Variants in DOCK1 observed in about 807,000 individuals in gnomAD.
DOCK1 encodes dedicator of cytokinesis protein 1.
A neutral mutation model predicts 262.7 loss-of-function variants in DOCK1; 138 were observed. The ratio of observed to expected loss-of-function variants is 0.53; its 90% CI spans 0.46 to 0.61. The LOEUF (loss-of-function observed/expected upper bound fraction) is 0.61. Among genes scored for constraint, DOCK1 ranks in the 20% least tolerant of loss-of-function variants. The pLI, the probability that DOCK1 is intolerant of heterozygous loss-of-function variation, is 0.00. For synonymous variants in DOCK1, 866 were observed against 867.4 expected (o/e 1.00, Z 0.03); for missense variants, 1,908 against 2,370.7 (o/e 0.80, Z 4.05).
intron 29 of DOCK1, among the ~76,000 whole-genome samples, chr10:127,322,119 A>AG (rs1491223690): frequency 3.3e-5 from 5 of 152,126 alleles, no homozygotes; most frequent in African/African-American, 1.2e-4. Context: ...AGAAAAAAAA[A>AG]GAGAATGAAT....
At chr10:127,311,871 T>A (rs1018595296) in intron 29 of DOCK1, among the ~76,000 whole-genome samples, 1 of 152,074 alleles carries the variant, frequency 6.6e-6, no homozygotes, top group Non-Finnish European at 1.5e-5. Context: ...TTTTTTTATT[T>A]TTATTTTTTT....
chr10:127,341,561 T>C (rs1401934025), intron 30 of DOCK1, among the ~76,000 whole-genome samples: 2 of 152,244 alleles, frequency 1.3e-5, no homozygotes, highest in African/African-American at 4.8e-5. Flanking sequence ...TATTTAAGTA[T>C]TTGTTTTGCC....
chr10:127,095,660 G>GTTGTGT lies in DOCK1; in HGVS notation c.2446-10571_2446-10570insTTGTGT, dbSNP rs1255796234. On this transcript the variant is annotated intron_variant, in intron 23 of 51. Transcript: ENST00000623213. ...GTGACACAACCACGTGGGCCAGGAA[G>GTTGTGT]CTGTGTGTGTGTGTGTGTGTGTGTG... 8.0e-3 allele frequency among the ~76,000 whole-genome samples: 794 copies of GTTGTGT among 99,276 alleles called. 4 individuals are homozygous for GTTGTGT. Among genetic ancestry groups the GTTGTGT allele is most frequent in the Non-Finnish European group, 0.014 (661 of 48,622 alleles). The allele number at this position is 99,276 out of a possible 152,430, so 65.1% of individuals were successfully genotyped here.
intron 27 of DOCK1, among the ~76,000 whole-genome samples, chr10:127,246,981 A>C (rs781116294): frequency 9.9e-5 from 15 of 152,184 alleles, no homozygotes; most frequent in Non-Finnish European, 1.9e-4. Context: ...TTAAAATGTC[A>C]TTAACTTAGG....
At chr10:126,986,504 T>C (rs564662929) in intron 4 of DOCK1, among the ~76,000 whole-genome samples, 10 of 152,346 alleles carry the variant, frequency 6.6e-5, no homozygotes, top group African/African-American at 2.4e-4. Context: ...TCTCTCCCCC[T>C]AACCCTCAGT....
intron 25 of DOCK1, among the ~76,000 whole-genome samples, chr10:127,124,023 T>C (rs1044560382): frequency 1.3e-5 from 2 of 152,188 alleles, no homozygotes; most frequent in African/African-American, 4.8e-5. Context: ...AAAAATGGAA[T>C]TGGGGAAGGC....
At chr10:127,309,208 T>C (rs1428924488) in intron 29 of DOCK1, among the ~76,000 whole-genome samples, 2 of 150,732 alleles carry the variant, frequency 1.3e-5, no homozygotes, top group Admixed American at 6.6e-5. Flanking sequence ...CTTTTTTTTT[T>C]CACATTTGTT....
chr10:127,048,480 G>T (rs539375275), intron 21 of DOCK1, among the ~76,000 whole-genome samples: 4 of 151,714 alleles, frequency 2.6e-5, no homozygotes, highest in South Asian at 4.2e-4. Context: ...TTTCTTAATG[G>T]TGTCTTTCGA....
Position 127,012,449 on chromosome 10 carries a change from A to G in DOCK1, c.1201+75A>G. 3 of 1,328,734 alleles carry G rather than the reference A, an allele frequency of 2.3e-6. No individual in the cohort carries two copies. Among genetic ancestry groups the G allele is most frequent in the Non-Finnish European group, 3.2e-6 (3 of 932,344 alleles). 82.3% of individuals were successfully genotyped at this position (1,328,734 alleles called of 1,614,324 possible). A position where few individuals can be genotyped will look rare whatever the true frequency, so the allele number is the denominator to read the frequency against. On this transcript the variant is annotated intron_variant, in intron 12 of 51. Transcript: ENST00000623213. The surrounding 1 kb of genome is among the most constrained non-coding windows in gnomAD (Gnocchi z 4.0). Reference sequence around the variant, plus strand: ...GGGCAGTGCTGTCTGGGTTGGTTTTAGTTTGATGTTGATCATGATGGTGGT... The same window carrying G: ...GGGCAGTGCTGTCTGGGTTGGTTTTGGTTTGATGTTGATCATGATGGTGGT...
In DOCK1 at chr10:127,019,894, G is replaced by A. The variant is rs946402452; in HGVS notation, c.1327+1059G>A. Among the ~76,000 whole-genome samples the A allele has an allele frequency of 9.2e-5, 14 of 152,184 alleles. No homozygotes were observed. In the South Asian group the frequency reaches 1.5e-3, roughly 16 times the overall value. ...GGACAAACTCCCCCATATTCAACGC[G>A]GCCTCCTTTTATAGGCCTGTGCTGT... is the stretch of plus-strand genomic sequence containing the variant. On this transcript the variant is annotated intron_variant, in intron 13 of 51. Coordinates refer to ENST00000623213, the MANE Select transcript of DOCK1 (RefSeq NM_001290223.2).
At chr10:127,196,673 A>G in intron 27 of DOCK1, among the ~76,000 whole-genome samples, 1 of 147,592 alleles carries the variant, frequency 6.8e-6, no homozygotes, top group East Asian at 2.1e-4. Flanking sequence ...GGGGATAGGG[A>G]GGGAGTGGAG....
chr10:127,215,690 G>A (rs1183365983), intron 27 of DOCK1, among the ~76,000 whole-genome samples: 1 of 152,010 alleles, frequency 6.6e-6, no homozygotes, highest in African/African-American at 2.4e-5. Context: ...GCCCAAGGTT[G>A]ATTTCAAGAT....
At chr10:127,224,527 C>T (rs527454903) in intron 27 of DOCK1, among the ~76,000 whole-genome samples, 52 of 151,576 alleles carry the variant, frequency 3.4e-4, no homozygotes, top group African/African-American at 1.1e-3. Flanking sequence ...CCACTGTACT[C>T]CAGCCTAGGT....
chr10:127,413,370 G>T (rs753959441), intron 43 of DOCK1, among the ~76,000 whole-genome samples: 1 of 152,202 alleles, frequency 6.6e-6, no homozygotes, highest in East Asian at 1.9e-4. Flanking sequence ...CAAAGTGTTC[G>T]GAAGCTGCAG....
intron 3 of DOCK1, among the ~76,000 whole-genome samples, chr10:126,981,506 A>G (rs978383890): frequency 6.6e-6 from 1 of 152,230 alleles, no homozygotes; most frequent in African/African-American, 2.4e-5. Context: ...GGGTCTGGGT[A>G]CGTGGTCAGT....
intron 43 of DOCK1, 99 bp from the exon 44 acceptor site, chr10:127,415,053 G>T: frequency 2.7e-6 from 3 of 1,113,500 alleles, no homozygotes; most frequent in Non-Finnish European, 3.9e-6. Flanking sequence ...TGAAGGACCT[G>T]ACTCCTTTGG....
chr10:126,907,672 G>A (rs1256655247), intron 1 of DOCK1, among the ~76,000 whole-genome samples: 1 of 152,076 alleles, frequency 6.6e-6, no homozygotes, highest in African/African-American at 2.4e-5. Context: ...AGTGTAGCTG[G>A]ATGGTCTGGA....
At chr10:127,004,394 A>G (rs1241813576) in intron 10 of DOCK1, among the ~76,000 whole-genome samples, 1 of 152,160 alleles carries the variant, frequency 6.6e-6, no homozygotes, top group Non-Finnish European at 1.5e-5. Context: ...AAAAGTAAAT[A>G]TCTTAATGCA....
intron 27 of DOCK1, among the ~76,000 whole-genome samples, chr10:127,231,766 G>A (rs1481727021): frequency 6.6e-6 from 1 of 152,144 alleles, no homozygotes; most frequent in African/African-American, 2.4e-5. Flanking sequence ...TCTTGTTTGT[G>A]TTAGGCTTTC....
Sources: gnomAD v4.1 joint callset for allele counts (sites outside exome capture counted in the v4.1 genomes callset) on GRCh38, gnomAD v4.1.1 for gene constraint, Gnocchi (gnomAD v3.1) non-coding constraint, MANE v1.5 for transcripts, NCBI Gene and HGNC (gene_info 2026-07-23, HGNC 2026-07-21) for gene names.